GRK5: variants seen among roughly 807,000 people sequenced by gnomAD.
GRK5 encodes G protein-coupled receptor kinase 5, also known as g protein-coupled receptor kinase GRK5.
GRK5 carries 40 observed loss-of-function variants against 78.4 expected under a neutral mutation model. That is an observed-to-expected ratio of 0.51 (90% CI 0.40 to 0.66). The LOEUF (loss-of-function observed/expected upper bound fraction) is 0.66. Ranked by LOEUF, GRK5 falls within the 30% of genes least tolerant of loss-of-function variation. The probability of loss-of-function intolerance (pLI) is 0.00; values close to 1 mark genes in which losing one functional copy is unlikely to be tolerated. For missense variants in GRK5, 598 were observed against 759.9 expected, an observed-to-expected ratio of 0.79 and a Z score of 2.50; for synonymous variants, 289 against 296.8, an observed-to-expected ratio of 0.97 and a Z score of 0.27.
At chr10:119,354,382 T>C (rs1459438760) in intron 2 of GRK5, among the ~76,000 whole-genome samples, 2 of 148,314 alleles carry the variant, frequency 1.3e-5, no homozygotes, top group Non-Finnish European at 3.0e-5. Context: ...TGCAACTTTG[T>C]GCCCTACATC....
intron 1 of GRK5, among the ~76,000 whole-genome samples, chr10:119,315,096 T>G (rs544926959): frequency 6.6e-6 from 1 of 152,290 alleles, no homozygotes; most frequent in South Asian, 2.1e-4. Flanking sequence ...CCTGTCCTGG[T>G]GTAACCCTCC....
intron 1 of GRK5, among the ~76,000 whole-genome samples, chr10:119,310,694 C>A (rs1359111676): frequency 6.6e-6 from 1 of 152,172 alleles, no homozygotes; most frequent in East Asian, 1.9e-4. Flanking sequence ...AAGCCCCAGG[C>A]AGGGCGGGGT....
intron 1 of GRK5, among the ~76,000 whole-genome samples, chr10:119,305,096 G>T (rs1313788438): frequency 1.3e-5 from 2 of 151,108 alleles, no homozygotes; most frequent in African/African-American, 4.9e-5. Context: ...CTGCAGGAAA[G>T]CCCAGATGAG....
chr10:119,213,371 T>G (rs1166474127), intron 1 of GRK5, among the ~76,000 whole-genome samples: 2 of 151,922 alleles, frequency 1.3e-5, no homozygotes, highest in East Asian at 3.9e-4. Context: ...ATCAGCGGGG[T>G]GTGGTGGTGC....
At chr10:119,421,053 T>A (rs928570) in intron 4 of GRK5, among the ~76,000 whole-genome samples, 1 of 151,778 alleles carries the variant, frequency 6.6e-6, no homozygotes, top group Non-Finnish European at 1.5e-5. Flanking sequence ...TGGCCCACCC[T>A]GCTGGCATCT....
At chr10:119,260,000 T>C (rs1225338164) in intron 1 of GRK5, among the ~76,000 whole-genome samples, 1 of 152,024 alleles carries the variant, frequency 6.6e-6, no homozygotes, top group African/African-American at 2.4e-5. Context: ...TCTCTTGAGA[T>C]CAGTTGTTTT....
intron 1 of GRK5, among the ~76,000 whole-genome samples, chr10:119,247,352 G>A (rs1404487218): frequency 6.6e-6 from 1 of 152,144 alleles, no homozygotes; most frequent in Admixed American, 6.5e-5. Flanking sequence ...GGCACTGAGG[G>A]AAATCTCATT....
intron 1 of GRK5, among the ~76,000 whole-genome samples, chr10:119,308,087 C>T (rs1275384137): frequency 2.0e-5 from 3 of 152,134 alleles, no homozygotes; most frequent in African/African-American, 7.2e-5. Context: ...CGGGTCTGCA[C>T]TGTATGCCCA....
At chr10:119,400,802 G>T (rs1289370572) in intron 4 of GRK5, among the ~76,000 whole-genome samples, 6 of 152,232 alleles carry the variant, frequency 3.9e-5, no homozygotes, top group Admixed American at 3.3e-4. Flanking sequence ...AACAGCCCCA[G>T]GTCCCCAAGC....
intron 2 of GRK5, among the ~76,000 whole-genome samples, chr10:119,371,591 G>A (rs1328023873): frequency 6.6e-6 from 1 of 152,226 alleles, no homozygotes; most frequent in Non-Finnish European, 1.5e-5. Flanking sequence ...CCGAGAAGGA[G>A]CCTTGAAGGA....
intron 2 of GRK5, among the ~76,000 whole-genome samples, chr10:119,340,089 C>G (rs1348238442): frequency 6.6e-6 from 1 of 152,018 alleles, no homozygotes; most frequent in Non-Finnish European, 1.5e-5. Context: ...GATGCTGAAC[C>G]ATCTTTAAAG....
At chr10:119,390,972 A>T (rs952990280) in intron 3 of GRK5, among the ~76,000 whole-genome samples, 1 of 150,744 alleles carries the variant, frequency 6.6e-6, no homozygotes, top group African/African-American at 2.4e-5. Context: ...CCCCTCCACC[A>T]CGTGGAGAGA....
chr10:119,328,282 C>T (rs1487086744), intron 2 of GRK5, among the ~76,000 whole-genome samples: 1 of 152,188 alleles, frequency 6.6e-6, no homozygotes. Flanking sequence ...CTGTAGCTTA[C>T]TGGGGAGGAT....
At position 119,445,865 on chromosome 10, in the gene GRK5, C is replaced by T. The variant is rs1208159491; in HGVS notation, c.1266+2113C>T. Reference sequence around the variant, plus strand: ...CTCCACAATCAGTGAGGAAGCCAGTCTCTGGCCCCCAGGTCTGTCCCCCAT... The same window carrying T: ...CTCCACAATCAGTGAGGAAGCCAGTTTCTGGCCCCCAGGTCTGTCCCCCAT... On this transcript the variant is annotated intron_variant, in intron 12 of 15. Transcript: ENST00000392870. The surrounding 1 kb of genome is among the most constrained non-coding windows in gnomAD (Gnocchi z 4.1). Among the ~76,000 whole-genome samples the T allele has an allele frequency of 2.0e-5, 3 of 152,192 alleles. No individual in the cohort carries two copies. The highest frequency in any genetic ancestry group is 4.8e-5 in the African/African-American group (2 of 41,440).
intron 2 of GRK5, among the ~76,000 whole-genome samples, chr10:119,341,997 C>T (rs1022700867): frequency 6.6e-6 from 1 of 152,234 alleles, no homozygotes; most frequent in African/African-American, 2.4e-5. Flanking sequence ...CCCTATCCGA[C>T]CTCAATGGGA....
chr10:119,413,284 G>C (rs1852380405), intron 4 of GRK5, among the ~76,000 whole-genome samples: 1 of 151,566 alleles, frequency 6.6e-6, no homozygotes, highest in Non-Finnish European at 1.5e-5. Context: ...ACTGTGATTG[G>C]CCCAGCATGT....
At chr10:119,367,327 G>A (rs759820019) in intron 2 of GRK5, among the ~76,000 whole-genome samples, 1 of 152,148 alleles carries the variant, frequency 6.6e-6, no homozygotes, top group African/African-American at 2.4e-5. Flanking sequence ...TGGTGAGCTC[G>A]TGTGCCTGTG....
Position 119,217,334 on chromosome 10 carries a change from G to A in GRK5, c.52+9365G>A, listed in dbSNP as rs1848591501. Among the ~76,000 whole-genome samples, 1 of 152,232 alleles carries A rather than the reference G, an allele frequency of 6.6e-6. No individual in the cohort carries two copies. The highest frequency in any genetic ancestry group is 6.5e-5 in the Admixed American group (1 of 15,288). On this transcript the variant is annotated intron_variant, in intron 1 of 15. Transcript: ENST00000392870. The surrounding 1 kb of genome is among the most constrained non-coding windows in gnomAD (Gnocchi z 4.1). ...TGATAGGTGAATCCTCAAAGTAGAT[G>A]TTTCCATTTTAAAAGTAGAACTGTG...
intron 2 of GRK5, among the ~76,000 whole-genome samples, chr10:119,367,994 C>A (rs890835439): frequency 1.3e-5 from 2 of 152,252 alleles, no homozygotes; most frequent in African/African-American, 4.8e-5. Context: ...GCCAGGTCTG[C>A]CTGGAAGCTG....
Sources: gnomAD v4.1 joint callset for allele counts (sites outside exome capture counted in the v4.1 genomes callset) on GRCh38, gnomAD v4.1.1 for gene constraint, Gnocchi (gnomAD v3.1) non-coding constraint, MANE v1.5 for transcripts, NCBI Gene and HGNC (gene_info 2026-07-23, HGNC 2026-07-21) for gene names.